Variants in CENPK observed in about 807,000 individuals in gnomAD.
The protein encoded by CENPK is SoxLZ/Sox6-binding protein Solt.
CENPK carries 46 observed loss-of-function variants against 40.9 expected under a neutral mutation model. The ratio of observed to expected loss-of-function variants is 1.13; its 90% CI spans 0.89 to 1.44. The LOEUF (loss-of-function observed/expected upper bound fraction) is 1.44, where lower values mean the gene tolerates loss of function less well. Ranked by LOEUF, CENPK falls within the 40% of genes most tolerant of loss-of-function variation. The probability of loss-of-function intolerance (pLI) is 0.00; values close to 1 mark genes in which losing one functional copy is unlikely to be tolerated. For missense variants in CENPK, 288 were observed against 303.5 expected (o/e 0.95, Z 0.38); for synonymous variants, 107 against 104.4 (o/e 1.02, Z -0.15).
chr5:65,559,905 T>A (rs917279492), intron 2 of CENPK, among the ~76,000 whole-genome samples: 8 of 151,974 alleles, frequency 5.3e-5, no homozygotes, highest in Admixed American at 1.3e-4. Context: ...TATATAATAC[T>A]GTTTTTTAAA....
downstream of CENPK, among the ~76,000 whole-genome samples, chr5:65,515,204 A>AATTGTTTTTTTT (rs35708852): frequency 8.1e-6 from 1 of 124,056 alleles, no homozygotes; most frequent in African/African-American, 3.1e-5. Flanking sequence ...TCTCAAAAAA[A>AATTGTTTTTTTT]TTTTTTTTTT....
intron 6 of CENPK, among the ~76,000 whole-genome samples, chr5:65,531,529 G>A (rs1346905382): frequency 6.7e-6 from 1 of 150,340 alleles, no homozygotes; most frequent in African/African-American, 2.5e-5. Flanking sequence ...TTTTGAGACG[G>A]AATCTCGCTC....
At chr5:65,554,391 C>T (rs945228478) in intron 3 of CENPK, among the ~76,000 whole-genome samples, 25 of 152,122 alleles carry the variant, frequency 1.6e-4, no homozygotes, top group Non-Finnish European at 3.1e-4. Context: ...ACCTCATGAT[C>T]CCCCAGCCTC....
chr5:65,522,075 A>T (rs1743871058), intron 9 of CENPK, among the ~76,000 whole-genome samples: 1 of 152,232 alleles, frequency 6.6e-6, no homozygotes, highest in Admixed American at 6.5e-5. Flanking sequence ...TAACTGGAAG[A>T]TACAATTAAA....
the CENPK span, among the ~76,000 whole-genome samples, chr5:65,503,910 C>A: frequency 1.3e-5 from 2 of 151,862 alleles, no homozygotes; most frequent in Non-Finnish European, 2.9e-5. Flanking sequence ...CCCACCTTGG[C>A]CTCCCAAAGT....
intron 5 of CENPK, among the ~76,000 whole-genome samples, chr5:65,546,898 G>A (rs1012947704): frequency 1.3e-5 from 2 of 152,104 alleles, no homozygotes; most frequent in African/African-American, 4.8e-5. Flanking sequence ...TGTTATGATA[G>A]CTCTAGTATA....
rs561975986 is a variant in CENPK, at chr5:65,533,561, G to A, written c.289-4362C>T. Among the ~76,000 whole-genome samples, 22 of 151,978 alleles carry A rather than the reference G, an allele frequency of 1.4e-4. No individual in the cohort carries two copies. The South Asian group carries it at 4.2e-3, about 29-fold the overall frequency. On this transcript the variant is annotated intron_variant, in intron 6 of 10. Coordinates refer to ENST00000396679, the MANE Select transcript of CENPK (RefSeq NM_022145.5). Reference sequence around the variant, plus strand: ...CGTTTCTATTCAATATTTTACTGAAGTACAAGTTCTAGGACAGCAAAATAA... The same window carrying A: ...CGTTTCTATTCAATATTTTACTGAAATACAAGTTCTAGGACAGCAAAATAA...
chr5:65,552,606 C>T, intron 3 of CENPK, 57 bp from the exon 4 acceptor site: 1 of 1,038,710 alleles, frequency 9.6e-7, no homozygotes, highest in Non-Finnish European at 1.4e-6. Context: ...AGAAAATTCC[C>T]TTCCCCTCTC....
chr5:65,533,598 G>T (rs1283159697), intron 6 of CENPK, among the ~76,000 whole-genome samples: 3 of 151,900 alleles, frequency 2.0e-5, no homozygotes, highest in Non-Finnish European at 4.4e-5. Flanking sequence ...CCCCCAAAAA[G>T]AGATAAAAAT....
chr5:65,513,852 T>C (rs537816264), downstream of CENPK, among the ~76,000 whole-genome samples: 2 of 152,194 alleles, frequency 1.3e-5, no homozygotes, highest in African/African-American at 4.8e-5. Flanking sequence ...AGGTTTTTTG[T>C]AGATATTCTT....
chr5:65,500,737 G>A, the CENPK span, among the ~76,000 whole-genome samples: 4 of 152,064 alleles, frequency 2.6e-5, no homozygotes, highest in East Asian at 1.9e-4. Context: ...ATCTTGGCTC[G>A]CTGCAACTTC....
chr5:65,545,849 T>C (rs1748847602), intron 5 of CENPK, among the ~76,000 whole-genome samples: 1 of 152,080 alleles, frequency 6.6e-6, no homozygotes, highest in Non-Finnish European at 1.5e-5. Flanking sequence ...CAGACTCCTA[T>C]CTGCAGAAAC....
At chr5:65,534,717 TATAC>T (rs1363572577) in intron 6 of CENPK, among the ~76,000 whole-genome samples, 1 of 152,186 alleles carries the variant, frequency 6.6e-6, no homozygotes, top group Admixed American at 6.5e-5. Flanking sequence ...TCATACTATA[TATAC>T]ATAAACATTA....
chr5:65,529,359 G>A (rs569264004), intron 6 of CENPK, 160 bp from the exon 7 acceptor site: 21 of 525,228 alleles, frequency 4.0e-5, no homozygotes, highest in African/African-American at 1.7e-4. Flanking sequence ...TACAGTAGGC[G>A]CTAAATTTGT....
rs191291835 is a variant in CENPK at position 65,531,121 on chromosome 5, C to T, written c.289-1922G>A. Among the ~76,000 whole-genome samples the T allele has an allele frequency of 9.5e-3, 1,433 of 151,442 alleles. 6 individuals are homozygous for T. The highest frequency in any genetic ancestry group is 0.014 in the Non-Finnish European group (975 of 67,742). ...GCAGTGAGCTATGATATCAACACTGCACCCAGCCTGGGCAACGGAGCAAGA... is the reference window on the plus strand; with the variant it reads ...GCAGTGAGCTATGATATCAACACTGTACCCAGCCTGGGCAACGGAGCAAGA... On this transcript the variant is annotated intron_variant, in intron 6 of 10. Coordinates refer to ENST00000396679, the MANE Select transcript of CENPK (RefSeq NM_022145.5).
At chr5:65,551,249 CAAAAAAAAAAAAAAA>C (rs58442174) in intron 5 of CENPK, 1 of 105,998 alleles carries the variant, frequency 9.4e-6, no homozygotes, top group South Asian at 1.1e-4. Context: ...GACCCTGTCT[CAAAAAAAAAAAAAAA>C]AAAAAAAAGG....
At chr5:65,502,813 T>C in the CENPK span, among the ~76,000 whole-genome samples, 1 of 151,824 alleles carries the variant, frequency 6.6e-6, no homozygotes, top group Non-Finnish European at 1.5e-5. Context: ...TATTTATTTA[T>C]TTATTATTTT....
the CENPK span, among the ~76,000 whole-genome samples, chr5:65,510,601 C>A: frequency 6.6e-6 from 1 of 151,896 alleles, no homozygotes; most frequent in East Asian, 1.9e-4. Context: ...ATGGTGAGAC[C>A]CCGTTTCTAC....
intron 6 of CENPK, among the ~76,000 whole-genome samples, chr5:65,536,972 A>C (rs2150416314): frequency 6.6e-6 from 1 of 152,318 alleles, no homozygotes; most frequent in Non-Finnish European, 1.5e-5. Context: ...GTTAGTTGTC[A>C]TGGGAGTTCA....
Sources: allele counts gnomAD v4.1 joint callset (sites outside exome capture counted in the v4.1 genomes callset), GRCh38; gene constraint gnomAD v4.1.1; transcripts MANE v1.5; gene names NCBI Gene and HGNC (gene_info 2026-07-23, HGNC 2026-07-21).